Variants in SDK2 observed in about 807,000 individuals in gnomAD.
The protein encoded by SDK2 is sidekick cell adhesion molecule 2, also known as protein sidekick-2.
A neutral mutation model predicts 253.9 loss-of-function variants in SDK2; 105 were observed. That is an observed-to-expected ratio of 0.41 (90% CI 0.35 to 0.49). SDK2 has a LOEUF of 0.49. Ranked by LOEUF, SDK2 falls within the 20% of genes least tolerant of loss-of-function variation. The pLI, the probability that SDK2 is intolerant of heterozygous loss-of-function variation, is 0.06. For missense variants in SDK2, 2,608 were observed against 3,003.0 expected (o/e 0.87, Z 3.07); for synonymous variants, 1,249 against 1,234.9 (o/e 1.01, Z -0.24).
rs2063363565 is a variant in SDK2 at position 73,435,743 on chromosome 17, G to A, written c.1001-99C>T. 5 of 1,130,388 alleles carry A rather than the reference G, an allele frequency of 4.4e-6. No homozygotes were observed. The highest frequency in any genetic ancestry group is 6.2e-6 in the Non-Finnish European group (5 of 811,822). 70.0% of individuals were successfully genotyped at this position (1,130,388 alleles called of 1,614,324 possible). Reference sequence around the variant, plus strand: ...AGGCCGGGCCCGGAAATCTGCGAGGGGGTCCCTGGTGAATCTTGGTGTCTA... The same window carrying A: ...AGGCCGGGCCCGGAAATCTGCGAGGAGGTCCCTGGTGAATCTTGGTGTCTA... On this transcript the variant is annotated intron_variant, in intron 8 of 44. Transcript: ENST00000392650. This position sits in a 1 kb window ranked among gnomAD's most constrained non-coding sequence, Gnocchi z 5.7.
chr17:73,630,893 A>G (rs369826600), intron 1 of SDK2, among the ~76,000 whole-genome samples: 1 of 152,014 alleles, frequency 6.6e-6, no homozygotes, highest in African/African-American at 2.4e-5. Context: ...TCCCTGAAGC[A>G]GAACGGTGTT....
intron 22 of SDK2, among the ~76,000 whole-genome samples, chr17:73,398,869 C>T (rs1183133596): frequency 6.6e-6 from 1 of 152,128 alleles, no homozygotes; most frequent in Non-Finnish European, 1.5e-5. Flanking sequence ...CTGAACGCTC[C>T]CCTGATGATT....
intron 25 of SDK2, 42 bp from the exon 26 acceptor site, chr17:73,394,366 A>G (rs2062953865): frequency 1.5e-6 from 2 of 1,361,056 alleles, no homozygotes; most frequent in African/African-American, 1.4e-5. Flanking sequence ...TCAGGACCCA[A>G]CGTTGACTGT....
chr17:73,345,259 C>T (rs1223358434), intron 44 of SDK2, among the ~76,000 whole-genome samples: 3 of 151,434 alleles, frequency 2.0e-5, no homozygotes, highest in African/African-American at 7.3e-5. Context: ...GCAGAGATTG[C>T]AGTGAGCTGA....
rs557683011 is a variant in SDK2 at position 73,583,623 on chromosome 17, C to T, written c.64+60402G>A. Reference sequence around the variant, plus strand: ...GTGCCCTGGCTGTGATGACAGTCCCCGGCCCTCACCCTGTTCACAAACCAG... The same window carrying T: ...GTGCCCTGGCTGTGATGACAGTCCCTGGCCCTCACCCTGTTCACAAACCAG... On this transcript the variant is annotated intron_variant, in intron 1 of 44. Transcript: ENST00000392650. Among the ~76,000 whole-genome samples, 13 of 152,342 alleles carry T rather than the reference C, an allele frequency of 8.5e-5. 1 individual carries two copies. The highest frequency in any genetic ancestry group is 4.1e-4 in the South Asian group (2 of 4,824).
intron 1 of SDK2, among the ~76,000 whole-genome samples, chr17:73,545,779 G>A (rs549391173): frequency 1.2e-4 from 19 of 152,186 alleles, no homozygotes; most frequent in Non-Finnish European, 1.8e-4. Flanking sequence ...GGGATGCCCC[G>A]CCTGTCTGTC....
At chr17:73,623,033 A>G (rs2046153111) in intron 1 of SDK2, among the ~76,000 whole-genome samples, 1 of 152,152 alleles carries the variant, frequency 6.6e-6, no homozygotes, top group South Asian at 2.1e-4. Context: ...CTGCATCCCT[A>G]CATTCCAGTG....
intron 18 of SDK2, among the ~76,000 whole-genome samples, chr17:73,412,094 GTA>G (rs1300596099): frequency 1.1e-5 from 1 of 92,066 alleles, no homozygotes; most frequent in Non-Finnish European, 2.4e-5. Context: ...GTATATATAC[GTA>G]TATATGTATA....
intron 2 of SDK2, 106 bp downstream of exon 2, chr17:73,507,332 G>C: frequency 2.5e-6 from 3 of 1,222,552 alleles, no homozygotes; most frequent in Non-Finnish European, 3.4e-6. Context: ...GGCTCTAGGA[G>C]CCCTGAGCCC....
intron 12 of SDK2, among the ~76,000 whole-genome samples, chr17:73,426,496 C>T (rs950246520): frequency 6.6e-6 from 1 of 152,078 alleles, no homozygotes; most frequent in African/African-American, 2.4e-5. Context: ...GTAATTTAAC[C>T]GATCCCATAA....
intron 1 of SDK2, among the ~76,000 whole-genome samples, chr17:73,531,346 T>C (rs2064167528): frequency 6.6e-6 from 1 of 152,186 alleles, no homozygotes; most frequent in African/African-American, 2.4e-5. Flanking sequence ...TGTACAGTCA[T>C]CCAATCCAGA....
At chr17:73,482,631 G>C (rs1183528545) in intron 2 of SDK2, among the ~76,000 whole-genome samples, 1 of 152,240 alleles carries the variant, frequency 6.6e-6, no homozygotes, top group African/African-American at 2.4e-5. Flanking sequence ...GGACCTTCTG[G>C]GCCAATTAAG....
At chr17:73,621,375 G>T (rs140602769) in intron 1 of SDK2, among the ~76,000 whole-genome samples, 1 of 152,136 alleles carries the variant, frequency 6.6e-6, no homozygotes, top group South Asian at 2.1e-4. Context: ...CTGACTTATT[G>T]CAATGCCCAA....
rs1325269970 is a variant in SDK2, at chr17:73,455,660, T to G, written c.479+246A>C. On this transcript the variant is annotated intron_variant, in intron 4 of 44. Coordinates refer to ENST00000392650, the MANE Select transcript of SDK2 (RefSeq NM_001144952.2). This position sits in a 1 kb window ranked among gnomAD's most constrained non-coding sequence, Gnocchi z 5.0. ...AAAAGCAGATTTATTCTCCAGCTGA[T>G]GGTGGAGGCAACGCCCTGGGATTCC... 6.6e-6 allele frequency among the ~76,000 whole-genome samples: 1 copy of G among 152,160 alleles called. No individual in the cohort carries two copies. The highest frequency in any genetic ancestry group is 2.4e-5 in the African/African-American group (1 of 41,452).
chr17:73,365,511 G>A (rs746705147), intron 37 of SDK2, 116 bp from the exon 38 acceptor site: 57 of 1,081,296 alleles, frequency 5.3e-5, no homozygotes, highest in Non-Finnish European at 7.1e-5. Context: ...GAACAAGAGC[G>A]TGGGGCTCGG....
intron 34 of SDK2, among the ~76,000 whole-genome samples, chr17:73,380,095 G>C (rs2062818316): frequency 6.6e-6 from 1 of 152,160 alleles, no homozygotes; most frequent in Admixed American, 6.5e-5. Flanking sequence ...GGACGCAGCT[G>C]CAAGAAACGG....
At chr17:73,490,156 C>T (rs542739754) in intron 2 of SDK2, among the ~76,000 whole-genome samples, 4 of 152,166 alleles carry the variant, frequency 2.6e-5, no homozygotes, top group Non-Finnish European at 5.9e-5. Flanking sequence ...ACTTTTTTGG[C>T]GGCCTGTCTT....
At chr17:73,461,465 T>C (rs2079864857) in intron 3 of SDK2, among the ~76,000 whole-genome samples, 1 of 152,238 alleles carries the variant, frequency 6.6e-6, no homozygotes, top group South Asian at 2.1e-4. Flanking sequence ...GACTGGGATT[T>C]AGGTGAGGCT....
rs575938881 is a variant in SDK2 at position 73,639,646 on chromosome 17, G to A, written c.64+4379C>T. Among the ~76,000 whole-genome samples, 1 of 152,274 alleles carries A rather than the reference G, an allele frequency of 6.6e-6. No homozygotes were observed. The highest frequency in any genetic ancestry group is 2.1e-4 in the South Asian group (1 of 4,822). On this transcript the variant is annotated intron_variant, in intron 1 of 44. Coordinates refer to ENST00000392650, the MANE Select transcript of SDK2 (RefSeq NM_001144952.2). The surrounding 1 kb of genome is among the most constrained non-coding windows in gnomAD (Gnocchi z 4.3). ...GGGGGAGCGGGGTAGAAACCCCGCA[G>A]GGCGCACACTAACACCCGACATCAA...
Sources: gnomAD v4.1 joint callset for allele counts (sites outside exome capture counted in the v4.1 genomes callset) on GRCh38, gnomAD v4.1.1 for gene constraint, Gnocchi (gnomAD v3.1) non-coding constraint, MANE v1.5 for transcripts, NCBI Gene and HGNC (gene_info 2026-07-23, HGNC 2026-07-21) for gene names.